PPP3CB: variants seen among roughly 807,000 people sequenced by gnomAD.
PPP3CB encodes the protein serine/threonine-protein phosphatase 2B catalytic subunit beta isoform.
A neutral mutation model predicts 66.4 loss-of-function variants in PPP3CB; 8 were observed. That is an observed-to-expected ratio of 0.12 (90% CI 0.07 to 0.22). The LOEUF (loss-of-function observed/expected upper bound fraction) is 0.22. PPP3CB is among the 10% of genes least tolerant of loss of function. The pLI, the probability that PPP3CB is intolerant of heterozygous loss-of-function variation, is 1.00. For synonymous variants in PPP3CB, 208 were observed against 221.2 expected (o/e 0.94, Z 0.53); for missense variants, 319 against 642.5 (o/e 0.50, Z 5.44).
Position 73,457,750 on chromosome 10 carries a change from AAAG to A in PPP3CB, c.1109-3264_1109-3262del, listed in dbSNP as rs555761494. On this transcript the variant is annotated intron_variant, in intron 9 of 13. Transcript: ENST00000360663. ...AAGACCCTGTCTCAAAAAAAAAAAA[AAAG>A]AAAGAAAGAAAGAAAGTGAAAGTGG... 5.6e-3 allele frequency among the ~76,000 whole-genome samples: 853 copies of A among 151,084 alleles called. 4 individuals are homozygous for A. Among genetic ancestry groups the A allele is most frequent in the South Asian group, 0.017 (80 of 4,784 alleles).
Position 73,439,922 on chromosome 10 carries a change from G to A in PPP3CB, c.1367-21C>T, listed in dbSNP as rs1244868159. The A allele has an allele frequency of 1.9e-6, 3 of 1,610,804 alleles. No individual in the cohort carries two copies. In the East Asian group the frequency reaches 6.7e-5, roughly 36 times the overall value. On this transcript the variant is annotated intron_variant, in intron 12 of 13. Transcript: ENST00000360663. ...TGTGGCTGTACAGAAGTGAGCAGAG[G>A]CATGCAAAATGAATGAGAGAGATGA...
chr10:73,484,713 T>C (rs1341083578), intron 1 of PPP3CB, among the ~76,000 whole-genome samples: 1 of 152,084 alleles, frequency 6.6e-6, no homozygotes, highest in Admixed American at 6.6e-5. Flanking sequence ...ATATAAATAG[T>C]CAACAACTGA....
intron 8 of PPP3CB, among the ~76,000 whole-genome samples, chr10:73,468,535 C>T (rs979409604): frequency 6.6e-6 from 1 of 152,062 alleles, no homozygotes; most frequent in Non-Finnish European, 1.5e-5. Flanking sequence ...GTCTACCCTG[C>T]CTACCACAGA....
At position 73,444,922 on chromosome 10, in the gene PPP3CB, A is replaced by C. The variant is rs374066973; in HGVS notation, c.1269-100T>G. 1.4e-3 allele frequency: 1,655 copies of C among 1,158,574 alleles called. 17 individuals carry two copies. The South Asian group carries it at 0.021, about 15-fold the overall frequency. The allele number at this position is 1,158,574 out of a possible 1,614,324, so 71.8% of individuals were successfully genotyped here. A position where few individuals can be genotyped will look rare whatever the true frequency, so the allele number is the denominator to read the frequency against. On this transcript the variant is annotated intron_variant, in intron 11 of 13. Coordinates refer to ENST00000360663, the MANE Select transcript of PPP3CB (RefSeq NM_021132.4). Reference sequence around the variant, plus strand: ...ATATAGGCCATATATAAAATTCATGACATTCATTGCTATTACCATATTTTC... The same window carrying C: ...ATATAGGCCATATATAAAATTCATGCCATTCATTGCTATTACCATATTTTC...
At chr10:73,491,884 T>G (rs2057083507) in intron 1 of PPP3CB, among the ~76,000 whole-genome samples, 1 of 152,072 alleles carries the variant, frequency 6.6e-6, no homozygotes, top group Non-Finnish European at 1.5e-5. Flanking sequence ...GGAGAATCGT[T>G]TGAACCCGGG....
intron 3 of PPP3CB, among the ~76,000 whole-genome samples, chr10:73,476,495 T>A (rs759868654): frequency 9.2e-5 from 14 of 151,854 alleles, no homozygotes; most frequent in Admixed American, 4.6e-4. Context: ...TGGGCACCTG[T>A]AATCCCAACT....
In PPP3CB at chr10:73,471,492, T is replaced by G; in HGVS notation, c.645A>C (p.Ile215=). Reference sequence around the variant, plus strand: ...CTCTCCTAATATCATCCAGTGTGTGTATTTCTGGTGAAAGTCCACCATGAA... The same window carrying G: ...CTCTCCTAATATCATCCAGTGTGTGGATTTCTGGTGAAAGTCCACCATGAA... The part of the protein sequence containing the change: ...LCVHGGLSPE[I]HTLDDIRRLD... The change falls in exon 5 of 14, where the codon ATA becomes ATC. Residue 215 remains isoleucine, a synonymous_variant. Coordinates refer to ENST00000360663, the MANE Select transcript of PPP3CB (RefSeq NM_021132.4). The G allele has an allele frequency of 6.2e-7, 1 of 1,610,418 alleles. No homozygotes were observed. The highest frequency in any genetic ancestry group is 8.5e-7 in the Non-Finnish European group (1 of 1,178,596).
Position 73,436,443 on chromosome 10 carries a change from T to C in PPP3CB, c.*1799A>G, listed in dbSNP as rs1197516273. On this transcript the variant is annotated 3_prime_UTR_variant, in exon 14 of 14. Coordinates refer to ENST00000360663, the MANE Select transcript of PPP3CB (RefSeq NM_021132.4). ...GATAGGAAAATGCAATTATCACTAA[T>C]ATTTTTCTTATTGTTAGAACACCCA... The C allele has an allele frequency of 1.3e-5, 2 of 152,190 alleles. No individual in the cohort carries two copies. Among genetic ancestry groups the C allele is most frequent in the African/African-American group, 4.8e-5 (2 of 41,440 alleles). 9.4% of individuals were successfully genotyped at this position (152,190 alleles called of 1,614,324 possible).
intron 12 of PPP3CB, among the ~76,000 whole-genome samples, chr10:73,440,555 A>G (rs1022061005): frequency 6.6e-6 from 1 of 152,194 alleles, no homozygotes; most frequent in Admixed American, 6.5e-5. Context: ...ACCTGAAAGG[A>G]CTTCTCCTGT....
chr10:73,464,601 T>A (rs1032224702), intron 9 of PPP3CB, among the ~76,000 whole-genome samples: 4 of 152,304 alleles, frequency 2.6e-5, no homozygotes, highest in Middle Eastern at 6.8e-3. Context: ...CAAAAGTCCA[T>A]AACTTTTATC....
At chr10:73,451,981 C>T (rs2056353553) in intron 10 of PPP3CB, among the ~76,000 whole-genome samples, 1 of 151,586 alleles carries the variant, frequency 6.6e-6, no homozygotes, top group Non-Finnish European at 1.5e-5. Flanking sequence ...CTCCTGACCT[C>T]ATGATCCACC....
intron 1 of PPP3CB, among the ~76,000 whole-genome samples, chr10:73,493,001 C>T (rs1188046453): frequency 1.3e-5 from 2 of 152,072 alleles, no homozygotes; most frequent in Non-Finnish European, 2.9e-5. Context: ...GCAGGCCGGG[C>T]GCGGTGGCTC....
intron 1 of PPP3CB, among the ~76,000 whole-genome samples, chr10:73,486,300 T>G (rs1416656115): frequency 4.1e-5 from 6 of 147,046 alleles, no homozygotes; most frequent in Non-Finnish European, 7.5e-5. Flanking sequence ...GACTGGTTTT[T>G]TTTTTTTTTT....
At chr10:73,481,692 T>C (rs2056882484) in intron 1 of PPP3CB, among the ~76,000 whole-genome samples, 1 of 151,098 alleles carries the variant, frequency 6.6e-6, no homozygotes. Flanking sequence ...TATAACCACA[T>C]TCTCATACCA....
At chr10:73,464,456 T>C (rs1396290722) in intron 9 of PPP3CB, among the ~76,000 whole-genome samples, 1 of 152,134 alleles carries the variant, frequency 6.6e-6, no homozygotes, top group African/African-American at 2.4e-5. Context: ...TGGAAGATCA[T>C]ATAATATTAG....
chr10:73,458,763 T>C (rs571997979), intron 9 of PPP3CB, among the ~76,000 whole-genome samples: 1 of 152,054 alleles, frequency 6.6e-6, no homozygotes, highest in East Asian at 1.9e-4. Context: ...ACACTGCTGA[T>C]GAAACTGTAA....
intron 3 of PPP3CB, among the ~76,000 whole-genome samples, chr10:73,476,080 C>G (rs1484220956): frequency 1.3e-5 from 2 of 149,852 alleles, no homozygotes; most frequent in East Asian, 2.0e-4. Flanking sequence ...TGGCTGGTCT[C>G]GAACTCCCAG....
intron 1 of PPP3CB, among the ~76,000 whole-genome samples, chr10:73,486,040 G>C (rs190342394): frequency 6.6e-6 from 1 of 151,986 alleles, no homozygotes; most frequent in Admixed American, 6.6e-5. Context: ...CTGCCTCCCA[G>C]GTTCAAGCGA....
At chr10:73,444,310 T>C in intron 12 of PPP3CB, 1 of 386,382 alleles carries the variant, frequency 2.6e-6, no homozygotes, top group Non-Finnish European at 4.7e-6. Context: ...TCCAATACAA[T>C]GACATAAATT....
Sources: gnomAD v4.1 joint callset for allele counts (sites outside exome capture counted in the v4.1 genomes callset) on GRCh38, gnomAD v4.1.1 for gene constraint, MANE v1.5 for transcripts, NCBI Gene and HGNC (gene_info 2026-07-23, HGNC 2026-07-21) for gene names.